Variants in ASCC3 observed in about 807,000 individuals in gnomAD.
ASCC3 encodes activating signal cointegrator 1 complex subunit 3, also known as ASC-1 complex subunit P200.
A neutral mutation model predicts 256.3 loss-of-function variants in ASCC3; 158 were observed. The ratio of observed to expected loss-of-function variants is 0.62; its 90% CI spans 0.54 to 0.70. The LOEUF (loss-of-function observed/expected upper bound fraction) is 0.70. ASCC3 is among the 30% of genes least tolerant of loss of function. ASCC3 has a pLI of 0.00. For missense variants in ASCC3, 2,259 were observed against 2,626.0 expected, an observed-to-expected ratio of 0.86 and a Z score of 3.05; for synonymous variants, 948 against 883.4, an observed-to-expected ratio of 1.07 and a Z score of -1.30.
At chr6:100,703,970 G>A (rs1321936004) in intron 13 of ASCC3, among the ~76,000 whole-genome samples, 1 of 150,992 alleles carries the variant, frequency 6.6e-6, no homozygotes, top group Non-Finnish European at 1.5e-5. Context: ...CTTATATATA[G>A]GAAAGTTTTA....
In ASCC3 at chr6:100,766,562, T is replaced by C; in HGVS notation, c.1737+3A>G. 6.2e-7 allele frequency: 1 copy of C among 1,614,014 alleles called. No individual in the cohort carries two copies. Among genetic ancestry groups the C allele is most frequent in the Non-Finnish European group, 8.5e-7 (1 of 1,179,916 alleles). ...AAACAAAAAATCTAGGTAAACAACA[T>C]ACCTGAGTTCGTAAAATTTCACTTT... is the stretch of plus-strand genomic sequence containing the variant. On this transcript the variant is annotated splice_donor_region_variant and intron_variant, in intron 10 of 41. Transcript: ENST00000369162.
At chr6:100,520,649 A>G (rs1323829505) in intron 37 of ASCC3, among the ~76,000 whole-genome samples, 1 of 152,148 alleles carries the variant, frequency 6.6e-6, no homozygotes, top group Admixed American at 6.6e-5. Context: ...ATACAACCAT[A>G]TACTCTGTAA....
chr6:100,808,160 T>C (rs1422531194), intron 4 of ASCC3, among the ~76,000 whole-genome samples: 2 of 151,932 alleles, frequency 1.3e-5, no homozygotes, highest in Non-Finnish European at 2.9e-5. Flanking sequence ...CCAGTGATAA[T>C]ATTAATGAAT....
chr6:100,691,474 C>T (rs1282340086), intron 13 of ASCC3, among the ~76,000 whole-genome samples: 1 of 151,884 alleles, frequency 6.6e-6, no homozygotes, highest in African/African-American at 2.4e-5. Context: ...TCTTAATATG[C>T]ATTCAATTAA....
intron 13 of ASCC3, among the ~76,000 whole-genome samples, chr6:100,680,048 A>G (rs1213382874): frequency 6.6e-6 from 1 of 152,186 alleles, no homozygotes; most frequent in Non-Finnish European, 1.5e-5. Context: ...TATTATAGAG[A>G]CAGCATACAA....
At chr6:100,815,943 A>AG (rs1442541155) in intron 4 of ASCC3, among the ~76,000 whole-genome samples, 31 of 152,300 alleles carry the variant, frequency 2.0e-4, no homozygotes, top group African/African-American at 7.2e-4. Flanking sequence ...GCTTCTGTAC[A>AG]GCAAAAGAAA....
At chr6:100,563,127 T>C (rs928045545) in intron 36 of ASCC3, among the ~76,000 whole-genome samples, 7 of 152,076 alleles carry the variant, frequency 4.6e-5, no homozygotes, top group Admixed American at 1.3e-4. Context: ...AATTTTTTAA[T>C]ATTACCTTTT....
intron 14 of ASCC3, among the ~76,000 whole-genome samples, chr6:100,673,613 TAA>T (rs1776863674): frequency 6.6e-6 from 1 of 152,192 alleles, no homozygotes; most frequent in Non-Finnish European, 1.5e-5. Context: ...CTATGTTCTT[TAA>T]AAAGAGTCTC....
chr6:100,647,428 A>G lies in ASCC3; in HGVS notation c.3276T>C (p.Ala1092=), dbSNP rs781638870. 1.2e-6 allele frequency: 2 copies of G among 1,613,982 alleles called. No individual in the cohort carries two copies. Among genetic ancestry groups the G allele is most frequent in the South Asian group, 1.1e-5 (1 of 91,068 alleles). ...GTTTCCTCAGAGCAATTTCAAAAAGAGCACGGACAATTCTAGCTGCATTCT... is the reference window on the plus strand; with the variant it reads ...GTTTCCTCAGAGCAATTTCAAAAAGGGCACGGACAATTCTAGCTGCATTCT... The part of the protein sequence containing the change: ...VAQNAARIVR[A]LFEIALRKRW... The change falls in exon 21 of 42, where the codon GCT becomes GCC. Residue 1092 remains alanine (A), a synonymous_variant. Transcript: ENST00000369162.
At chr6:100,527,337 T>C (rs1375583052) in intron 37 of ASCC3, among the ~76,000 whole-genome samples, 1 of 152,172 alleles carries the variant, frequency 6.6e-6, no homozygotes, top group Admixed American at 6.6e-5. Context: ...ATTATAAGCA[T>C]TTAAAAATTT....
chr6:100,646,399 C>T (rs1450324606), intron 22 of ASCC3, among the ~76,000 whole-genome samples: 1 of 152,032 alleles, frequency 6.6e-6, no homozygotes, highest in South Asian at 2.1e-4. Context: ...AAGCTCAGGC[C>T]TCCCGGGTTC....
chr6:100,845,943 G>A (rs1056125419), intron 4 of ASCC3, among the ~76,000 whole-genome samples: 1 of 152,132 alleles, frequency 6.6e-6, no homozygotes, highest in African/African-American at 2.4e-5. Flanking sequence ...TAGATTATAT[G>A]TAAAAATATT....
At chr6:100,642,896 T>G in intron 23 of ASCC3, 147 bp from the exon 24 acceptor site, 1 of 848,984 alleles carries the variant, frequency 1.2e-6, no homozygotes, top group Non-Finnish European at 1.8e-6. Context: ...ATTCGGAAAC[T>G]TTAGAAAATT....
chr6:100,622,084 G>A (rs1773980099), intron 30 of ASCC3, among the ~76,000 whole-genome samples: 1 of 152,092 alleles, frequency 6.6e-6, no homozygotes, highest in Admixed American at 6.6e-5. Context: ...GGCCTGTTGA[G>A]GATGGTGGGA....
At chr6:100,759,493 G>C (rs1019849449) in intron 10 of ASCC3, among the ~76,000 whole-genome samples, 1 of 152,128 alleles carries the variant, frequency 6.6e-6, no homozygotes, top group Non-Finnish European at 1.5e-5. Context: ...TATTGAATAG[G>C]AGATCCTTTC....
At chr6:100,733,820 T>C (rs1780019873) in intron 10 of ASCC3, among the ~76,000 whole-genome samples, 1 of 152,190 alleles carries the variant, frequency 6.6e-6, no homozygotes, top group African/African-American at 2.4e-5. Flanking sequence ...TTGTAAAGCA[T>C]TCAAATCACA....
At chr6:100,633,805 T>C (rs1261755512) in intron 25 of ASCC3, among the ~76,000 whole-genome samples, 3 of 149,600 alleles carry the variant, frequency 2.0e-5, no homozygotes, top group Non-Finnish European at 4.4e-5. Flanking sequence ...ATCCGGGAGA[T>C]GGAGGTTGCG....
At chr6:100,781,550 ATTT>A (rs11289263) in intron 8 of ASCC3, among the ~76,000 whole-genome samples, 8 of 130,826 alleles carry the variant, frequency 6.1e-5, no homozygotes, top group Admixed American at 7.7e-5. Context: ...CGCCTGGCTA[ATTT>A]TTTTTTTTTT....
At chr6:100,842,699 A>G (rs920955136) in intron 4 of ASCC3, among the ~76,000 whole-genome samples, 2 of 152,188 alleles carry the variant, frequency 1.3e-5, no homozygotes, top group Non-Finnish European at 2.9e-5. Context: ...GGCTGGGTGC[A>G]GTGGCTCATG....
Sources: allele counts gnomAD v4.1 joint callset (sites outside exome capture counted in the v4.1 genomes callset), GRCh38; gene constraint gnomAD v4.1.1; transcripts MANE v1.5; gene names NCBI Gene and HGNC (gene_info 2026-07-23, HGNC 2026-07-21).